DCAF1: variants seen among roughly 807,000 people sequenced by gnomAD.
DCAF1 encodes the protein DDB1- and CUL4-associated factor 1.
Under a neutral mutation model 128.0 loss-of-function variants are expected in DCAF1, and 15 were observed. The ratio of observed to expected loss-of-function variants is 0.12; its 90% CI spans 0.08 to 0.18. The LOEUF is 0.18. Among genes scored for constraint, DCAF1 ranks in the 10% least tolerant of loss-of-function variants. The pLI, the probability that DCAF1 is intolerant of heterozygous loss-of-function variation, is 1.00. For missense variants in DCAF1, 988 were observed against 1,649.5 expected, an observed-to-expected ratio of 0.60 and a Z score of 6.95; for synonymous variants, 610 against 603.0, an observed-to-expected ratio of 1.01 and a Z score of -0.17.
chr3:51,483,445 A>ATTT (rs1706508289), intron 3 of DCAF1, among the ~76,000 whole-genome samples: 1 of 152,040 alleles, frequency 6.6e-6, no homozygotes, highest in Non-Finnish European at 1.5e-5. Context: ...GACTCAAAAA[A>ATTT]AAAAAATTAA....
chr3:51,444,914 A>T (rs548398100), intron 6 of DCAF1, among the ~76,000 whole-genome samples: 13 of 151,650 alleles, frequency 8.6e-5, no homozygotes, highest in Non-Finnish European at 1.2e-4. Flanking sequence ...TGACCTCGTG[A>T]TCCGCCCCCC....
chr3:51,480,104 T>G (rs1293592589), intron 3 of DCAF1, among the ~76,000 whole-genome samples: 1 of 93,168 alleles, frequency 1.1e-5, no homozygotes, highest in Non-Finnish European at 2.2e-5. Flanking sequence ...ACCCTGTCAC[T>G]AAAAAAAAAA....
At chr3:51,481,085 A>G (rs1706134118) in intron 3 of DCAF1, among the ~76,000 whole-genome samples, 1 of 152,168 alleles carries the variant, frequency 6.6e-6, no homozygotes, top group South Asian at 2.1e-4. Flanking sequence ...TCAACATCCC[A>G]TCCCCAATAT....
intron 1 of DCAF1, among the ~76,000 whole-genome samples, chr3:51,497,432 C>G (rs781834237): frequency 1.8e-4 from 27 of 151,042 alleles, no homozygotes; most frequent in Non-Finnish European, 2.7e-4. Flanking sequence ...ACTAAAAATA[C>G]AAAAATTAGC....
chr3:51,434,105 A>G (rs959118182), intron 9 of DCAF1, among the ~76,000 whole-genome samples: 10 of 151,494 alleles, frequency 6.6e-5, no homozygotes, highest in Non-Finnish European at 1.5e-4. Context: ...AAAATTTACT[A>G]TAAGTAATGA....
chr3:51,500,115 GGA>G (rs1708709601), upstream of DCAF1: 1 of 70,086 alleles, frequency 1.4e-5, no homozygotes, highest in Non-Finnish European at 2.8e-5. Flanking sequence ...GCACGATCGG[GGA>G]AAAAAAAAAA....
chr3:51,442,426 G>A (rs922101776), intron 7 of DCAF1, among the ~76,000 whole-genome samples: 1 of 152,076 alleles, frequency 6.6e-6, no homozygotes, highest in African/African-American at 2.4e-5. Flanking sequence ...GGCCAGGTGC[G>A]GTAGCTCACG....
At chr3:51,493,913 C>T (rs1553659494) in intron 2 of DCAF1, among the ~76,000 whole-genome samples, 1 of 151,180 alleles carries the variant, frequency 6.6e-6, no homozygotes, top group African/African-American at 2.4e-5. Context: ...AGAAGCATCG[C>T]TTGAACCTGG....
intron 6 of DCAF1, among the ~76,000 whole-genome samples, chr3:51,460,414 TACAA>T (rs1703411420): frequency 6.6e-6 from 1 of 152,064 alleles, no homozygotes; most frequent in South Asian, 2.1e-4. Context: ...TAAAAGAGGA[TACAA>T]ACAAATGGAA....
chr3:51,486,108 T>A (rs1321885614), intron 2 of DCAF1, among the ~76,000 whole-genome samples: 3 of 151,812 alleles, frequency 2.0e-5, no homozygotes, highest in Non-Finnish European at 2.9e-5. Flanking sequence ...GCCAGGATGG[T>A]CTCAATCTCC....
intron 9 of DCAF1, among the ~76,000 whole-genome samples, chr3:51,435,099 C>T: frequency 6.6e-6 from 1 of 152,304 alleles, no homozygotes; most frequent in East Asian, 1.9e-4. Context: ...ATTCAAATCC[C>T]TTCTATCATT....
chr3:51,416,894 C>T (rs1698932270), intron 17 of DCAF1, 23 bp from the exon 18 acceptor site: 2 of 1,593,320 alleles, frequency 1.3e-6, no homozygotes, highest in Non-Finnish European at 8.6e-7. Context: ...AACAGGAGCA[C>T]TGAAGTGACA....
chr3:51,479,507 A>T (rs1191706294), intron 3 of DCAF1, among the ~76,000 whole-genome samples: 2 of 149,214 alleles, frequency 1.3e-5, no homozygotes, highest in East Asian at 4.0e-4. Flanking sequence ...TGTCTATTAT[A>T]GCTGGGCACG....
At chr3:51,481,442 A>T (rs1170017216) in intron 3 of DCAF1, among the ~76,000 whole-genome samples, 1 of 152,234 alleles carries the variant, frequency 6.6e-6, no homozygotes, top group Non-Finnish European at 1.5e-5. Flanking sequence ...CTGTAATCCC[A>T]GCACTTTGGG....
Position 51,420,096 on chromosome 3 carries a change from A to T in DCAF1, c.2874T>A (p.Ser958Arg). 1 of 1,613,962 alleles carries T rather than the reference A, an allele frequency of 6.2e-7. No homozygotes were observed. Residue 958 changes from serine to arginine, a missense_variant, in exon 15 of 25, where the codon AGT becomes AGA. Coordinates refer to ENST00000684031, the MANE Select transcript of DCAF1 (RefSeq NM_001387579.1). This position sits in a 1 kb window ranked among gnomAD's most constrained non-coding sequence, Gnocchi z 6.5. ...AGGGTGATGGCCTCTCTCTGATAAA[A>T]CTGATTCTACCAATCAAAGGGGAGT... ...AGNSPLIGRI[S>R]FIRERPSPCN...
chr3:51,412,922 T>C, intron 22 of DCAF1, 71 bp downstream of exon 22: 2 of 1,584,622 alleles, frequency 1.3e-6, no homozygotes, highest in Middle Eastern at 1.7e-4. Context: ...AGACAAAATG[T>C]CTGTAGTACA....
chr3:51,420,009 G>A lies in DCAF1; in HGVS notation c.2961C>T (p.Ser987=), dbSNP rs782498274. 1.4e-5 allele frequency: 22 copies of A among 1,613,900 alleles called. No homozygotes were observed. Among genetic ancestry groups the A allele is most frequent in the African/African-American group, 5.3e-5 (4 of 74,924 alleles). Residue 987 remains serine, a synonymous_variant, in exon 15 of 25, where the codon AGC becomes AGT. Transcript: ENST00000684031. This position sits in a 1 kb window ranked among gnomAD's most constrained non-coding sequence, Gnocchi z 6.5. The part of the protein sequence containing the change: ...QKSDHGAYSQ[S]PAIKKQLDRH... ...TGTCCAGCTGTTTTTTTATGGCTGG[G>A]CTTTGGCTGTAGGCACCATGGTCCG...
intron 3 of DCAF1, among the ~76,000 whole-genome samples, chr3:51,474,198 C>T (rs1022054345): frequency 1.3e-5 from 2 of 152,038 alleles, no homozygotes; most frequent in Non-Finnish European, 2.9e-5. Flanking sequence ...GCGGGCGGAT[C>T]ACCTGAGGTT....
chr3:51,463,646 G>A (rs1048738474), intron 5 of DCAF1, among the ~76,000 whole-genome samples: 2 of 151,974 alleles, frequency 1.3e-5, no homozygotes, highest in Non-Finnish European at 2.9e-5. Flanking sequence ...AGCCAAGCAT[G>A]GTGGCACATG....
Sources: allele counts gnomAD v4.1 joint callset (sites outside exome capture counted in the v4.1 genomes callset), GRCh38; gene constraint gnomAD v4.1.1; non-coding constraint Gnocchi (gnomAD v3.1); transcripts MANE v1.5; gene names NCBI Gene and HGNC (gene_info 2026-07-23, HGNC 2026-07-21).